N4BP2: variants seen among roughly 807,000 people sequenced by gnomAD.
N4BP2 encodes NEDD4 binding protein 2, also known as NEDD4-binding protein 2.
In N4BP2, 91 loss-of-function variants were observed where a neutral mutation model predicts 152.8. The observed-to-expected ratio is 0.60, with a 90% CI of 0.50 to 0.71. N4BP2 has a LOEUF of 0.71. N4BP2 is among the 30% of genes least tolerant of loss of function. N4BP2 has a pLI of 0.00. For synonymous variants in N4BP2, 646 were observed against 705.3 expected (o/e 0.92, Z 1.33); for missense variants, 1,923 against 2,059.1 (o/e 0.93, Z 1.28).
At chr4:40,188,801 G>A in the N4BP2 span, among the ~76,000 whole-genome samples, 1 of 150,992 alleles carries the variant, frequency 6.6e-6, no homozygotes, top group Admixed American at 6.6e-5. Context: ...CTAATAAATG[G>A]TAAGGCAGTG....
intron 3 of N4BP2, among the ~76,000 whole-genome samples, chr4:40,098,895 G>A (rs775733230): frequency 2.0e-5 from 3 of 152,040 alleles, no homozygotes; most frequent in Non-Finnish European, 4.4e-5. Flanking sequence ...GTTATTATGC[G>A]TTTTTAACTT....
intron 5 of N4BP2, among the ~76,000 whole-genome samples, chr4:40,107,394 T>G (rs181438492): frequency 5.5e-4 from 83 of 151,984 alleles, no homozygotes; most frequent in African/African-American, 2.0e-3. Context: ...TTAGTATTTT[T>G]TTTTTTTCGA....
intron 1 of N4BP2, among the ~76,000 whole-genome samples, chr4:40,063,656 T>A (rs895091052): frequency 2.6e-5 from 4 of 152,144 alleles, no homozygotes; most frequent in African/African-American, 4.8e-5. Context: ...TTAATTAATT[T>A]TTTTGAGACG....
At chr4:40,057,264 G>C (rs1427105107) in intron 1 of N4BP2, 1 of 152,290 alleles carries the variant, frequency 6.6e-6, no homozygotes, top group Non-Finnish European at 1.5e-5. Flanking sequence ...GGGCCCTGGC[G>C]CTCAGCCCGA....
At chr4:40,150,459 G>C (rs1324338293) in intron 16 of N4BP2, among the ~76,000 whole-genome samples, 1 of 152,118 alleles carries the variant, frequency 6.6e-6, no homozygotes, top group Non-Finnish European at 1.5e-5. Flanking sequence ...TTGAGGTCAG[G>C]AGTTTGAGAC....
chr4:40,092,685 C>A (rs1010016585), intron 2 of N4BP2, among the ~76,000 whole-genome samples: 15 of 150,564 alleles, frequency 1.0e-4, no homozygotes, highest in Admixed American at 2.0e-4. Flanking sequence ...GCTCTGTTGC[C>A]CAGGCTGGAG....
chr4:40,106,907 C>A lies in N4BP2; in HGVS notation c.1381C>A (p.Gln461Lys). ...SGKSFLARTLQEDNPSGVILS... is the reference protein window; with the variant it reads ...SGKSFLARTLKEDNPSGVILS... ...TTCATTTATCTTTCACAGGACTTTG[C>A]AAGAGGATAATCCAAGTGGAGTCAT... The change falls in exon 5 of 18, where the codon CAA (glutamine) becomes AAA (lysine). Residue 461 changes from glutamine to lysine, a missense_variant. Physicochemically the swap from Gln to Lys is moderately conservative, Grantham distance 53. Transcript: ENST00000261435. 3.1e-6 allele frequency: 5 copies of A among 1,604,434 alleles called. No individual in the cohort carries two copies. The highest frequency in any genetic ancestry group is 4.3e-6 in the Non-Finnish European group (5 of 1,174,410).
the N4BP2 span, among the ~76,000 whole-genome samples, chr4:40,175,345 A>G: frequency 6.6e-6 from 1 of 151,778 alleles, no homozygotes; most frequent in African/African-American, 2.4e-5. Context: ...ATAGAAAAAA[A>G]AAAAAAAAAG....
In N4BP2 at chr4:40,121,314, ATAGAG is replaced by A. The variant is rs770950555; in HGVS notation, c.3206_3210del (p.Arg1069AsnfsTer3). ...TCAGACGTTCAAGAAGCAATTCCAT[ATAGAG>A]TAATGTATGATAAAAGCACGTTTGT... On this transcript the variant is annotated frameshift_variant, in exon 9 of 18. Transcript: ENST00000261435. LOFTEE classifies it high-confidence loss of function. The A allele has an allele frequency of 2.5e-6, 4 of 1,613,992 alleles. No homozygotes were observed. Among genetic ancestry groups the A allele is most frequent in the Admixed American group, 3.3e-5 (2 of 59,946 alleles).
the N4BP2 span, among the ~76,000 whole-genome samples, chr4:40,177,713 T>C: frequency 6.6e-6 from 1 of 152,164 alleles, no homozygotes; most frequent in Non-Finnish European, 1.5e-5. Context: ...TATCAAATGC[T>C]CTCATTTTCT....
chr4:40,121,616 T>C lies in N4BP2; in HGVS notation c.3505T>C (p.Leu1169=). The change falls in exon 9 of 18, where the codon TTA becomes CTA. Residue 1169 remains leucine, a synonymous_variant. Coordinates refer to ENST00000261435, the MANE Select transcript of N4BP2 (RefSeq NM_018177.6). ...LKEIISQRGT[L]ENSNSPVPEF... ...AGAAATTATTAGCCAAAGAGGAACT[T>C]TAGAGAATTCTAATTCTCCTGTGCC... The C allele has an allele frequency of 6.2e-7, 1 of 1,614,156 alleles. No homozygotes were observed. Among genetic ancestry groups the C allele is most frequent in the Non-Finnish European group, 8.5e-7 (1 of 1,179,994 alleles).
chr4:40,142,756 A>C lies in N4BP2; in HGVS notation c.4869A>C (p.Arg1623Ser). 6.2e-7 allele frequency: 1 copy of C among 1,614,114 alleles called. No individual in the cohort carries two copies. Among genetic ancestry groups the C allele is most frequent in the Non-Finnish European group, 8.5e-7 (1 of 1,179,964 alleles). ...DFEYPDYDDYRAEAFLHQQKR... is the reference protein window; with the variant it reads ...DFEYPDYDDYSAEAFLHQQKR... ...AGTACCCAGACTATGATGACTACAGAGCAGAGGCTTTCCTTCACCAACAGA... is the reference window on the plus strand; with the variant it reads ...AGTACCCAGACTATGATGACTACAGCGCAGAGGCTTTCCTTCACCAACAGA... Residue 1623 changes from arginine (R) to serine (S), a missense_variant, in exon 15 of 18, where the codon AGA becomes AGC. By Grantham distance (110) the Arg-to-Ser change is moderately radical. Transcript: ENST00000261435.
chr4:40,170,426 C>G, the N4BP2 span, among the ~76,000 whole-genome samples: 1 of 151,816 alleles, frequency 6.6e-6, no homozygotes, highest in African/African-American at 2.4e-5. Flanking sequence ...GAAGACCAGC[C>G]TCGGCAACAT....
Position 40,121,479 on chromosome 4 carries a change from G to A in N4BP2, c.3368G>A (p.Ser1123Asn). The A allele has an allele frequency of 6.2e-7, 1 of 1,614,086 alleles. No individual in the cohort carries two copies. Among genetic ancestry groups the A allele is most frequent in the Non-Finnish European group, 8.5e-7 (1 of 1,179,984 alleles). ...AATAAAGATATTATTTGGGCCACAA[G>A]CCTTTTGTTGGATTCTGAAACTAAG... ...RCNKDIIWAT[S>N]LLLDSETKLC... is the part of the protein sequence containing the mutation. Residue 1123 changes from serine to asparagine, a missense_variant, in exon 9 of 18, where the codon AGC (serine) becomes AAC (asparagine). Physicochemically the swap from Ser to Asn is conservative, Grantham distance 46. Coordinates refer to ENST00000261435, the MANE Select transcript of N4BP2 (RefSeq NM_018177.6).
At chr4:40,101,731 G>C (rs1715674575) in intron 3 of N4BP2, among the ~76,000 whole-genome samples, 1 of 152,036 alleles carries the variant, frequency 6.6e-6, no homozygotes, top group Admixed American at 6.6e-5. Context: ...TAAACAACAG[G>C]CTTTAGGACT....
At chr4:40,135,797 C>T (rs924030943) in intron 13 of N4BP2, among the ~76,000 whole-genome samples, 19 of 152,228 alleles carry the variant, frequency 1.2e-4, no homozygotes, top group African/African-American at 4.6e-4. Flanking sequence ...GAACTCCTGA[C>T]CTCAGGTGAT....
In N4BP2 at chr4:40,142,697, GAA is replaced by G. The variant is rs775544093; in HGVS notation, c.4812_4813del (p.Glu1604AspfsTer4). ...KKPKKLKETE[E>X]TPSELSFQDF... ...GCCAAAGAAATTAAAAGAGACTGAA[GAA>G]ACACCAAGTGAACTGTCTTTCCAGG... On this transcript the variant is annotated frameshift_variant, in exon 15 of 18. Coordinates refer to ENST00000261435, the MANE Select transcript of N4BP2 (RefSeq NM_018177.6). LOFTEE classifies it high-confidence loss of function. The G allele has an allele frequency of 6.2e-7, 1 of 1,610,522 alleles. No homozygotes were observed. The highest frequency in any genetic ancestry group is 1.1e-5 in the South Asian group (1 of 90,468).
At chr4:40,141,301 C>A (rs1719922457) in intron 14 of N4BP2, among the ~76,000 whole-genome samples, 1 of 151,656 alleles carries the variant, frequency 6.6e-6, no homozygotes, top group Admixed American at 6.6e-5. Context: ...GGGGTGGCTG[C>A]CGGGCGGTGA....
the N4BP2 span, among the ~76,000 whole-genome samples, chr4:40,181,842 T>C: frequency 6.6e-6 from 1 of 152,136 alleles, no homozygotes; most frequent in Non-Finnish European, 1.5e-5. Flanking sequence ...CCAACTACTA[T>C]GGAGGCTGAG....
Sources: allele counts gnomAD v4.1 joint callset (sites outside exome capture counted in the v4.1 genomes callset), GRCh38; gene constraint gnomAD v4.1.1; transcripts MANE v1.5; gene names NCBI Gene and HGNC (gene_info 2026-07-23, HGNC 2026-07-21).